Variants in ADAM12 observed in about 807,000 individuals in gnomAD.
ADAM12 encodes ADAM metallopeptidase domain 12.
A neutral mutation model predicts 106.4 loss-of-function variants in ADAM12; 70 were observed. The observed-to-expected ratio is 0.66, with a 90% CI of 0.54 to 0.80. ADAM12 has a LOEUF of 0.80. Among genes scored for constraint, ADAM12 ranks in the 30% least tolerant of loss-of-function variants. The probability of loss-of-function intolerance (pLI) is 0.00; values close to 1 mark genes in which losing one functional copy is unlikely to be tolerated. For missense variants in ADAM12, 1,010 were observed against 1,171.9 expected (o/e 0.86, Z 2.02); for synonymous variants, 420 against 433.5 (o/e 0.97, Z 0.39).
chr10:126,234,810 C>G (rs1236129645), intron 3 of ADAM12, among the ~76,000 whole-genome samples: 3 of 152,212 alleles, frequency 2.0e-5, no homozygotes, highest in Non-Finnish European at 4.4e-5. Context: ...AACGCTCACA[C>G]CAGGCAATAA....
intron 11 of ADAM12, among the ~76,000 whole-genome samples, chr10:126,073,603 C>T (rs546838104): frequency 6.6e-6 from 1 of 152,222 alleles, no homozygotes; most frequent in East Asian, 1.9e-4. Flanking sequence ...TTAGCTCCCA[C>T]TTATAAATGA....
At chr10:126,047,694 T>A (rs1674900) in intron 16 of ADAM12, among the ~76,000 whole-genome samples, 1 of 152,072 alleles carries the variant, frequency 6.6e-6, no homozygotes, top group Non-Finnish European at 1.5e-5. Flanking sequence ...ATACTGCTGG[T>A]GGAGTGTAAA....
At chr10:126,227,427 T>C (rs1958219390) in intron 3 of ADAM12, among the ~76,000 whole-genome samples, 1 of 152,176 alleles carries the variant, frequency 6.6e-6, no homozygotes, top group Non-Finnish European at 1.5e-5. Flanking sequence ...GTGAGGCACT[T>C]AGTATTTGCC....
chr10:126,193,942 A>C (rs929188387), intron 3 of ADAM12, among the ~76,000 whole-genome samples: 1 of 149,400 alleles, frequency 6.7e-6, no homozygotes, highest in Non-Finnish European at 1.5e-5. Flanking sequence ...ATAAAATAAA[A>C]TAAACATGTG....
At chr10:126,169,120 C>T (rs1292246164) in intron 3 of ADAM12, among the ~76,000 whole-genome samples, 3 of 152,174 alleles carry the variant, frequency 2.0e-5, no homozygotes, top group Admixed American at 2.0e-4. Flanking sequence ...TCTACCTGCT[C>T]AATTCATCCC....
chr10:126,190,263 A>G (rs7071336), intron 3 of ADAM12, among the ~76,000 whole-genome samples: 41,616 of 150,230 alleles, frequency 0.28, 7,660 homozygotes, highest in East Asian at 0.51. Flanking sequence ...GTGCAGTGGC[A>G]TGATCTCAGC....
At chr10:126,301,019 C>T (rs1331347799) in intron 2 of ADAM12, among the ~76,000 whole-genome samples, 1 of 152,186 alleles carries the variant, frequency 6.6e-6, no homozygotes, top group Non-Finnish European at 1.5e-5. Flanking sequence ...GATTTTGCCC[C>T]CCAGGGAACA....
chr10:126,323,564 T>G (rs1854188039), intron 2 of ADAM12, among the ~76,000 whole-genome samples: 1 of 151,968 alleles, frequency 6.6e-6, no homozygotes, highest in Non-Finnish European at 1.5e-5. Context: ...AGTCTCAGAG[T>G]CAGTCAACAA....
intron 4 of ADAM12, among the ~76,000 whole-genome samples, chr10:126,148,587 G>T (rs1956671506): frequency 6.6e-6 from 1 of 152,174 alleles, no homozygotes; most frequent in South Asian, 2.1e-4. Context: ...TGGGTTAAAA[G>T]AAAAGTCACC....
intron 3 of ADAM12, among the ~76,000 whole-genome samples, chr10:126,194,737 G>A (rs1350755717): frequency 1.3e-5 from 2 of 152,186 alleles, no homozygotes; most frequent in East Asian, 1.9e-4. Context: ...AGAGCTTCAG[G>A]GTAGAAAGTT....
At chr10:126,063,432 G>A (rs1214438521) in intron 14 of ADAM12, among the ~76,000 whole-genome samples, 6 of 152,176 alleles carry the variant, frequency 3.9e-5, no homozygotes, top group Non-Finnish European at 5.9e-5. Flanking sequence ...CCCAGGCTTC[G>A]AGGTTTAGTC....
In ADAM12 at chr10:126,066,990, G is replaced by A. The variant is rs939641964; in HGVS notation, c.1324-184C>T. 3.7e-5 allele frequency: 21 copies of A among 573,628 alleles called. No homozygotes were observed. Among genetic ancestry groups the A allele is most frequent in the South Asian group, 2.5e-4 (13 of 51,222 alleles). The allele number at this position is 573,628 out of a possible 1,614,324, so 35.5% of individuals were successfully genotyped here. A position where few individuals can be genotyped will look rare whatever the true frequency, so the allele number is the denominator to read the frequency against. On this transcript the variant is annotated intron_variant, in intron 12 of 22. Coordinates refer to ENST00000448723, the MANE Select transcript of ADAM12 (RefSeq NM_001288973.2). This position sits in a 1 kb window ranked among gnomAD's most constrained non-coding sequence, Gnocchi z 5.1. ...AGCTTCTGCTTTTTATGAACCAACT[G>A]GGTCTACGAGTCCCTGGAAAAAGCC...
intron 3 of ADAM12, among the ~76,000 whole-genome samples, chr10:126,197,974 G>A (rs1277836362): frequency 2.6e-5 from 4 of 152,212 alleles, no homozygotes; most frequent in Non-Finnish European, 5.9e-5. Flanking sequence ...GGAAGGGACT[G>A]GGGCTTCAAT....
intron 3 of ADAM12, among the ~76,000 whole-genome samples, chr10:126,251,729 G>A (rs1323272807): frequency 6.6e-6 from 1 of 152,114 alleles, no homozygotes; most frequent in Non-Finnish European, 1.5e-5. Flanking sequence ...AGGATGGGAT[G>A]GATGGATATG....
At chr10:126,244,510 T>C (rs1003719433) in intron 3 of ADAM12, among the ~76,000 whole-genome samples, 3 of 152,190 alleles carry the variant, frequency 2.0e-5, no homozygotes, top group Admixed American at 6.5e-5. Flanking sequence ...TGGGGGATCA[T>C]GGTAGACATG....
chr10:126,219,476 T>C (rs1590636041), intron 3 of ADAM12, among the ~76,000 whole-genome samples: 1 of 152,168 alleles, frequency 6.6e-6, no homozygotes, highest in Non-Finnish European at 1.5e-5. Flanking sequence ...TCTTTTAAGA[T>C]TGGCAGAGCT....
chr10:126,058,693 G>A (rs1489355254), intron 14 of ADAM12, among the ~76,000 whole-genome samples: 2 of 152,206 alleles, frequency 1.3e-5, no homozygotes, highest in African/African-American at 2.4e-5. Flanking sequence ...TCCAGAACCT[G>A]CTGATCCCGG....
chr10:126,285,336 A>G (rs1451461401), intron 2 of ADAM12, among the ~76,000 whole-genome samples: 1 of 152,208 alleles, frequency 6.6e-6, no homozygotes, highest in African/African-American at 2.4e-5. Flanking sequence ...TTAAGTTTGA[A>G]AGTTCAAGTG....
chr10:126,094,241 G>A, intron 10 of ADAM12, 108 bp from the exon 11 acceptor site: 1 of 1,129,932 alleles, frequency 8.9e-7, no homozygotes, highest in South Asian at 1.7e-5. Flanking sequence ...TTGACTTAAT[G>A]TAATTCCTTA....
Sources: allele counts gnomAD v4.1 joint callset (sites outside exome capture counted in the v4.1 genomes callset), GRCh38; gene constraint gnomAD v4.1.1; non-coding constraint Gnocchi (gnomAD v3.1); transcripts MANE v1.5; gene names NCBI Gene and HGNC (gene_info 2026-07-23, HGNC 2026-07-21).